PRDM5: variants seen among roughly 807,000 people sequenced by gnomAD.
The protein encoded by PRDM5 is PR domain zinc finger protein 5.
A neutral mutation model predicts 81.2 loss-of-function variants in PRDM5; 56 were observed. The observed-to-expected ratio is 0.69, with a 90% CI of 0.56 to 0.86. The LOEUF is 0.86. Ranked by LOEUF, PRDM5 falls within the 40% of genes least tolerant of loss-of-function variation. The pLI is 0.00. For synonymous variants in PRDM5, 267 were observed against 256.4 expected (o/e 1.04, Z -0.39); for missense variants, 697 against 770.1 (o/e 0.91, Z 1.12).
At chr4:120,825,578 A>G (rs1218757818) in intron 3 of PRDM5, among the ~76,000 whole-genome samples, 1 of 151,936 alleles carries the variant, frequency 6.6e-6, no homozygotes, top group Non-Finnish European at 1.5e-5. Context: ...TGCCTCCACT[A>G]CTCACTGCTA....
chr4:120,803,372 C>T (rs146136148), intron 8 of PRDM5, among the ~76,000 whole-genome samples: 3,282 of 152,162 alleles, frequency 0.022, 52 homozygotes, highest in Middle Eastern at 0.034. Flanking sequence ...AAAGATACTC[C>T]TCAAGAAGAG....
intron 8 of PRDM5, among the ~76,000 whole-genome samples, chr4:120,806,294 A>G (rs75139380): frequency 2.0e-5 from 3 of 152,228 alleles, no homozygotes; most frequent in Admixed American, 6.5e-5. Flanking sequence ...TCTAGATTCA[A>G]TGCCATCCCT....
intron 2 of PRDM5, among the ~76,000 whole-genome samples, chr4:120,872,168 A>AAAAAAAAAAAAG (rs1761895075): frequency 6.7e-6 from 1 of 148,932 alleles, no homozygotes; most frequent in Non-Finnish European, 1.5e-5. Context: ...AAAAAAAAAA[A>AAAAAAAAAAAAG]AAAAAACCTG....
At chr4:120,728,459 AT>A (rs1009624863) in intron 14 of PRDM5, among the ~76,000 whole-genome samples, 32 of 151,900 alleles carry the variant, frequency 2.1e-4, no homozygotes, top group African/African-American at 6.1e-4. Flanking sequence ...ACATATATAT[AT>A]TTTTTTCTGA....
chr4:120,767,700 C>T (rs1746580842), intron 13 of PRDM5, among the ~76,000 whole-genome samples: 1 of 152,156 alleles, frequency 6.6e-6, no homozygotes, highest in African/African-American at 2.4e-5. Context: ...AGCTGACTAG[C>T]AGAAAATGAA....
chr4:120,919,573 T>A (rs1004285597), intron 1 of PRDM5, among the ~76,000 whole-genome samples: 12 of 152,158 alleles, frequency 7.9e-5, no homozygotes, highest in Admixed American at 7.9e-4. Flanking sequence ...ATAAGCAAGC[T>A]AGGAAAAAAA....
intron 2 of PRDM5, among the ~76,000 whole-genome samples, chr4:120,888,827 T>C (rs1356762398): frequency 1.3e-5 from 2 of 152,262 alleles, no homozygotes; most frequent in African/African-American, 4.8e-5. Flanking sequence ...TTGATTCGCA[T>C]TTCCCAGATA....
chr4:120,745,571 A>C (rs1203660780), intron 14 of PRDM5, among the ~76,000 whole-genome samples: 32 of 147,574 alleles, frequency 2.2e-4, no homozygotes, highest in African/African-American at 8.0e-4. Context: ...GCTGATAAGC[A>C]ACTTCAGCAA....
chr4:120,897,216 T>C (rs1302665309), intron 2 of PRDM5: 2 of 152,134 alleles, frequency 1.3e-5, no homozygotes, highest in African/African-American at 4.8e-5. Context: ...TGGGAAGAAC[T>C]AGGTCATTTT....
chr4:120,813,434 A>C (rs1242727276), intron 7 of PRDM5, among the ~76,000 whole-genome samples: 2 of 152,212 alleles, frequency 1.3e-5, no homozygotes, highest in Non-Finnish European at 2.9e-5. Flanking sequence ...TTTTGAAGCA[A>C]ATCTAAAACA....
chr4:120,711,192 C>A (rs1736926477), intron 14 of PRDM5, among the ~76,000 whole-genome samples: 2 of 152,144 alleles, frequency 1.3e-5, no homozygotes, highest in African/African-American at 2.4e-5. Flanking sequence ...CTAGAGGGTA[C>A]AAATTGTTTA....
chr4:120,887,573 A>T (rs1763573632), intron 2 of PRDM5, among the ~76,000 whole-genome samples: 1 of 152,096 alleles, frequency 6.6e-6, no homozygotes, highest in African/African-American at 2.4e-5. Flanking sequence ...TGCCTCTCTA[A>T]TCCTACACAC....
intron 2 of PRDM5, among the ~76,000 whole-genome samples, chr4:120,879,808 G>A (rs1762666235): frequency 6.6e-6 from 1 of 151,922 alleles, no homozygotes; most frequent in Non-Finnish European, 1.5e-5. Flanking sequence ...ATGAGATTCT[G>A]GAAAAGGCAA....
At chr4:120,717,394 C>T (rs1335062148) in intron 14 of PRDM5, among the ~76,000 whole-genome samples, 1 of 152,150 alleles carries the variant, frequency 6.6e-6, no homozygotes, top group African/African-American at 2.4e-5. Flanking sequence ...ATTTACACAG[C>T]TCTATGTGCT....
rs1560893385 is a variant in PRDM5, at chr4:120,699,948, T to TAAATAAAG, written c.1729-4674_1729-4673insCTTTATTT. 2.9e-4 allele frequency among the ~76,000 whole-genome samples: 42 copies of TAAATAAAG among 146,102 alleles called. No homozygotes were observed. In the East Asian group the frequency reaches 5.1e-3, roughly 18 times the overall value. ...TTCTAAAATTTATATAGAACCAAAA[T>TAAATAAAG]AAATAAATAAATAAATAAATAAAAA... On this transcript the variant is annotated intron_variant, in intron 15 of 15. Coordinates refer to ENST00000264808, the MANE Select transcript of PRDM5 (RefSeq NM_018699.4).
At chr4:120,915,389 G>A (rs1190668227) in intron 1 of PRDM5, among the ~76,000 whole-genome samples, 1 of 152,152 alleles carries the variant, frequency 6.6e-6, no homozygotes, top group Non-Finnish European at 1.5e-5. Flanking sequence ...GCAAGCCCCA[G>A]ACCCAAGAGA....
chr4:120,823,331 A>G (rs1755537289), intron 3 of PRDM5, among the ~76,000 whole-genome samples: 1 of 152,204 alleles, frequency 6.6e-6, no homozygotes, highest in Non-Finnish European at 1.5e-5. Context: ...ATTTTCATAT[A>G]CCAGCTAAAA....
chr4:120,922,446 G>T (rs182473991), intron 1 of PRDM5, 70 bp downstream of exon 1: 2 of 1,287,272 alleles, frequency 1.6e-6, no homozygotes, highest in Admixed American at 3.8e-5. Flanking sequence ...GGGCCCTGCG[G>T]CAGGGCGACT....
chr4:120,880,610 A>G (rs1762753279), intron 2 of PRDM5, among the ~76,000 whole-genome samples: 1 of 152,154 alleles, frequency 6.6e-6, no homozygotes, highest in South Asian at 2.1e-4. Flanking sequence ...CCTACAGCAC[A>G]TGTCAACTCA....
Sources: gnomAD v4.1 joint callset for allele counts (sites outside exome capture counted in the v4.1 genomes callset) on GRCh38, gnomAD v4.1.1 for gene constraint, MANE v1.5 for transcripts, NCBI Gene and HGNC (gene_info 2026-07-23, HGNC 2026-07-21) for gene names.